The following MTUS2 variants were observed in gnomAD, a reference collection of about 807,000 sequenced individuals.
MTUS2 encodes the protein microtubule-associated tumor suppressor candidate 2.
Under a neutral mutation model 114.1 loss-of-function variants are expected in MTUS2, and 40 were observed. The observed-to-expected ratio is 0.35, with a 90% CI of 0.27 to 0.46. The LOEUF is 0.46. MTUS2 is among the 20% of genes least tolerant of loss of function. The pLI, the probability that MTUS2 is intolerant of heterozygous loss-of-function variation, is 1.00. For missense variants in MTUS2, 1,679 were observed against 1,705.4 expected (o/e 0.98, Z 0.27); for synonymous variants, 688 against 672.0 (o/e 1.02, Z -0.37).
intron 8 of MTUS2, among the ~76,000 whole-genome samples, chr13:29,392,957 C>T (rs560428159): frequency 6.6e-6 from 1 of 152,280 alleles, no homozygotes; most frequent in African/African-American, 2.4e-5. Flanking sequence ...ATATCTGAAA[C>T]TTGGGAATTC....
chr13:29,387,355 C>T (rs566423889), intron 8 of MTUS2, among the ~76,000 whole-genome samples: 23 of 152,160 alleles, frequency 1.5e-4, no homozygotes, highest in Admixed American at 5.2e-4. Flanking sequence ...CCAAGCCCTG[C>T]GGTTGGAGAA....
intron 5 of MTUS2, among the ~76,000 whole-genome samples, chr13:29,128,598 G>A (rs1566022721): frequency 6.6e-6 from 1 of 152,156 alleles, no homozygotes; most frequent in African/African-American, 2.4e-5. Context: ...ATCTTTACAT[G>A]AGCAAGGATG....
chr13:28,831,521 T>G (rs1450211505), intron 1 of MTUS2, among the ~76,000 whole-genome samples: 1 of 145,428 alleles, frequency 6.9e-6, no homozygotes, highest in Non-Finnish European at 1.5e-5. Context: ...TGAAACAGAT[T>G]GTAAGTCAAA....
At chr13:29,393,757 G>A (rs1873694629) in intron 8 of MTUS2, among the ~76,000 whole-genome samples, 1 of 152,130 alleles carries the variant, frequency 6.6e-6, no homozygotes, top group South Asian at 2.1e-4. Context: ...GAACAGCTTG[G>A]TTTTATATAT....
At chr13:28,949,683 C>T (rs1240363026) in intron 2 of MTUS2, among the ~76,000 whole-genome samples, 1 of 152,164 alleles carries the variant, frequency 6.6e-6, no homozygotes, top group Non-Finnish European at 1.5e-5. Context: ...TGCTCTGGTA[C>T]CTTATGTAGG....
intron 2 of MTUS2, among the ~76,000 whole-genome samples, chr13:28,984,631 C>A (rs1016448937): frequency 6.6e-6 from 1 of 152,176 alleles, no homozygotes; most frequent in Non-Finnish European, 1.5e-5. Context: ...GGGCTCTTTT[C>A]GAACCCCTAT....
chr13:29,489,428 A>G (rs565388206), intron 11 of MTUS2, among the ~76,000 whole-genome samples: 146 of 152,144 alleles, frequency 9.6e-4, no homozygotes, highest in Non-Finnish European at 1.8e-3. Context: ...ACCCTCAAGC[A>G]CCACCCCCAC....
intron 5 of MTUS2, among the ~76,000 whole-genome samples, chr13:29,170,319 A>C (rs1893503995): frequency 6.6e-6 from 1 of 152,194 alleles, no homozygotes; most frequent in African/African-American, 2.4e-5. Flanking sequence ...TACCCCCATG[A>C]ATATTAACTT....
intron 2 of MTUS2, among the ~76,000 whole-genome samples, chr13:29,004,585 G>C (rs761172562): frequency 6.6e-6 from 1 of 152,186 alleles, no homozygotes; most frequent in Non-Finnish European, 1.5e-5. Flanking sequence ...AGCAACACTT[G>C]GTAGTTTCCA....
intron 2 of MTUS2, among the ~76,000 whole-genome samples, chr13:28,864,354 C>T (rs1877172523): frequency 6.6e-6 from 1 of 152,064 alleles, no homozygotes; most frequent in African/African-American, 2.4e-5. Flanking sequence ...ATGGGGTAGG[C>T]AAGGTTGACC....
At chr13:29,415,298 A>G (rs1193710365) in intron 8 of MTUS2, among the ~76,000 whole-genome samples, 1 of 152,210 alleles carries the variant, frequency 6.6e-6, no homozygotes, top group African/African-American at 2.4e-5. Flanking sequence ...TAAGATTTAC[A>G]TAATGGATTA....
In MTUS2 at chr13:29,311,185, G is replaced by A. The variant is rs962973679; in HGVS notation, c.2807-13428G>A. ...AAACAGACTTCAGGATATTGTTACC[G>A]CCACAGGTGAAGTGGTAAAACTATG... On this transcript the variant is annotated intron_variant, in intron 6 of 15. Transcript: ENST00000612955. Among the ~76,000 whole-genome samples, 3 of 152,158 alleles carry A rather than the reference G, an allele frequency of 2.0e-5. No homozygotes were observed. In the East Asian group the frequency reaches 5.8e-4, roughly 29 times the overall value.
At chr13:28,833,434 A>G (rs1400803364) in intron 1 of MTUS2, among the ~76,000 whole-genome samples, 1 of 152,130 alleles carries the variant, frequency 6.6e-6, no homozygotes, top group East Asian at 1.9e-4. Flanking sequence ...AATATACCAT[A>G]TTAATAGAAT....
At chr13:28,871,056 CAT>C (rs1034378011) in intron 2 of MTUS2, among the ~76,000 whole-genome samples, 4 of 152,158 alleles carry the variant, frequency 2.6e-5, no homozygotes, top group Admixed American at 1.3e-4. Context: ...TGATGTAACA[CAT>C]GTTTATTAAG....
chr13:29,100,805 G>C lies in MTUS2; in HGVS notation c.2479G>C (p.Ala827Pro). 7.7e-6 allele frequency: 12 copies of C among 1,551,626 alleles called. No individual in the cohort carries two copies. The highest frequency in any genetic ancestry group is 8.7e-6 in the Non-Finnish European group (10 of 1,146,994). ...AAAGAAAGCTTCCAGTTCAAATGCT[G>C]CAAAATCCAATCTCCCGAAATCTGG... is the stretch of plus-strand genomic sequence containing the variant. ...DLKKASSSNA[A>P]KSNLPKSGLR... Residue 827 changes from alanine to proline, a missense_variant, in exon 5 of 16, where the codon GCA (alanine) becomes CCA (proline). Transcript: ENST00000612955.
chr13:29,393,946 T>C (rs1456119833), intron 8 of MTUS2, among the ~76,000 whole-genome samples: 1 of 152,142 alleles, frequency 6.6e-6, no homozygotes, highest in African/African-American at 2.4e-5. Flanking sequence ...CAGATATGCA[T>C]GTATCTCAGT....
At chr13:29,428,855 T>C (rs1876774190) in intron 8 of MTUS2, 1 of 1,614,020 alleles carries the variant, frequency 6.2e-7, no homozygotes, top group Non-Finnish European at 8.5e-7. Context: ...GGGCCATTGC[T>C]GCTGCAAGCC....
chr13:29,238,096 A>T (rs532641070), intron 5 of MTUS2, among the ~76,000 whole-genome samples: 2 of 152,338 alleles, frequency 1.3e-5, no homozygotes, highest in East Asian at 3.9e-4. Flanking sequence ...GGTATGTCGA[A>T]GGGATCTCTG....
rs1367206270 is a variant in MTUS2, at chr13:29,148,720, C to T, written c.2644+47750C>T. Among the ~76,000 whole-genome samples the T allele has an allele frequency of 4.2e-3, 277 of 66,376 alleles. 30 individuals are homozygous for T. The highest frequency in any genetic ancestry group is 8.0e-3 in the African/African-American group (248 of 31,140). 43.5% of individuals were successfully genotyped at this position (66,376 alleles called of 152,430 possible). On this transcript the variant is annotated intron_variant, in intron 5 of 15. Transcript: ENST00000612955. The stretch of plus-strand genomic sequence containing the variant: ...GTCTCGATCTCCTGACCTCGTGATC[C>T]GCCCGCCTCGGCCTCCCAAAGTGCT...
Sources: gnomAD v4.1 joint callset for allele counts (sites outside exome capture counted in the v4.1 genomes callset) on GRCh38, gnomAD v4.1.1 for gene constraint, MANE v1.5 for transcripts, NCBI Gene and HGNC (gene_info 2026-07-23, HGNC 2026-07-21) for gene names.